STIP1: variants seen among roughly 807,000 people sequenced by gnomAD.
STIP1 encodes stress induced phosphoprotein 1.
In STIP1, 16 loss-of-function variants were observed where a neutral mutation model predicts 77.4. That is an observed-to-expected ratio of 0.21 (90% CI 0.14 to 0.31). STIP1 has a LOEUF of 0.31. Among genes scored for constraint, STIP1 ranks in the 10% least tolerant of loss-of-function variants. The pLI is 1.00. For missense variants in STIP1, 524 were observed against 684.8 expected, an observed-to-expected ratio of 0.77 and a Z score of 2.62; for synonymous variants, 258 against 246.6, an observed-to-expected ratio of 1.05 and a Z score of -0.44.
intron 10 of STIP1, 195 bp from the exon 11 acceptor site, chr11:64,202,681 A>AC: frequency 1.6e-6 from 1 of 617,218 alleles, no homozygotes; most frequent in East Asian, 2.7e-5. Flanking sequence ...GTTTTTCATA[A>AC]CATCAGCCTC....
In STIP1 at chr11:64,194,628, G is replaced by C. The variant is rs1946128192; in HGVS notation, c.503+8G>C. On this transcript the variant is annotated splice_region_variant and intron_variant, in intron 4 of 13. Transcript: ENST00000305218. ...GCCTTCTGACCTGGGCACGTAAGTG[G>C]ACGCCGCTCACTGAGGTTCTGGAAA... The C allele has an allele frequency of 6.2e-7, 1 of 1,611,260 alleles. No homozygotes were observed. The highest frequency in any genetic ancestry group is 1.1e-5 in the South Asian group (1 of 90,764).
In STIP1 at chr11:64,203,637, A is replaced by T. The variant is rs1299365112; in HGVS notation, c.1559+15A>T. The stretch of plus-strand genomic sequence containing the variant: ...GCACTCAGCGAGTACGTAGAGTCAG[A>T]GAGGCGGCCTTGCTGGAAATGGAGA... On this transcript the variant is annotated intron_variant, in intron 13 of 13. Coordinates refer to ENST00000305218, the MANE Select transcript of STIP1 (RefSeq NM_006819.3). 4 of 1,613,996 alleles carry T rather than the reference A, an allele frequency of 2.5e-6. No homozygotes were observed. The highest frequency in any genetic ancestry group is 3.4e-6 in the Non-Finnish European group (4 of 1,180,022).
chr11:64,202,986 T>C (rs1474395205), intron 11 of STIP1, 74 bp downstream of exon 11: 3 of 1,608,216 alleles, frequency 1.9e-6, no homozygotes, highest in South Asian at 2.2e-5. Context: ...GCCCTTTGTC[T>C]ACCTGTGTGT....
chr11:64,197,570 C>T lies in STIP1; in HGVS notation c.877C>T (p.Arg293Ter). 6.2e-7 allele frequency: 1 copy of T among 1,614,070 alleles called. No homozygotes were observed. Among genetic ancestry groups the T allele is most frequent in the Non-Finnish European group, 8.5e-7 (1 of 1,179,996 alleles). The change falls in exon 7 of 14, where the codon CGA becomes TGA. Residue 293 changes from arginine to a stop codon, truncating the protein, a stop_gained. Transcript: ENST00000305218. LOFTEE classifies it high-confidence loss of function. ...EKAIEVGREN[R>*]EDYRQIAKAY... ...GGCCATTGAAGTGGGGAGAGAAAACCGAGAAGACTATCGACAGATTGCCAA... is the reference window on the plus strand; with the variant it reads ...GGCCATTGAAGTGGGGAGAGAAAACTGAGAAGACTATCGACAGATTGCCAA...
At chr11:64,201,567 G>A (rs748902188) in intron 10 of STIP1, among the ~76,000 whole-genome samples, 121 of 152,102 alleles carry the variant, frequency 8.0e-4, no homozygotes, top group Non-Finnish European at 1.5e-3. Flanking sequence ...AACCTGGACC[G>A]TATTGTGGGA....
chr11:64,199,799 G>A (rs899979529), intron 8 of STIP1, 141 bp from the exon 9 acceptor site: 21 of 769,300 alleles, frequency 2.7e-5, no homozygotes, highest in East Asian at 2.2e-4. Flanking sequence ...TCCTGACCTC[G>A]TGATCCACCC....
chr11:64,200,738 C>A (rs1255485097), intron 10 of STIP1, among the ~76,000 whole-genome samples: 2 of 151,740 alleles, frequency 1.3e-5, no homozygotes, highest in Non-Finnish European at 2.9e-5. Context: ...CCTCTTTTTT[C>A]TTTGTTTTTG....
intron 7 of STIP1, 61 bp from the exon 8 acceptor site, chr11:64,197,793 T>C: frequency 1.3e-6 from 2 of 1,587,834 alleles, no homozygotes; most frequent in Non-Finnish European, 1.7e-6. Flanking sequence ...GGTGTGTTTT[T>C]CTGCAGGAGC....
chr11:64,199,149 C>T (rs548036423), intron 8 of STIP1, among the ~76,000 whole-genome samples: 1 of 148,052 alleles, frequency 6.8e-6, no homozygotes, highest in South Asian at 2.1e-4. Context: ...TGCAGTGAGC[C>T]GAGATCATGC....
At chr11:64,203,381 C>G (rs2134812832) in intron 12 of STIP1, 69 bp from the exon 13 acceptor site, 6 of 1,603,754 alleles carry the variant, frequency 3.7e-6, no homozygotes, top group Non-Finnish European at 5.1e-6. Flanking sequence ...CCTCTGTTAT[C>G]TTGGACCTGC....
intron 1 of STIP1, among the ~76,000 whole-genome samples, 194 bp from the exon 2 acceptor site, chr11:64,192,884 C>T (rs751672142): frequency 1.1e-4 from 17 of 152,132 alleles, no homozygotes; most frequent in Non-Finnish European, 2.2e-4. Flanking sequence ...GGCTCTTTGC[C>T]CCTGCTTATT....
chr11:64,198,100 C>A, intron 8 of STIP1, 126 bp downstream of exon 8: 1 of 1,346,304 alleles, frequency 7.4e-7, no homozygotes, highest in Non-Finnish European at 1.0e-6. Flanking sequence ...ACTCTTTCAC[C>A]CAGGCTGAAA....
chr11:64,195,987 C>T (rs886764940), intron 5 of STIP1, 174 bp downstream of exon 5: 1 of 823,914 alleles, frequency 1.2e-6, no homozygotes, highest in Non-Finnish European at 1.9e-6. Flanking sequence ...AGCGATGCTC[C>T]TGCTTCAGCT....
rs927713920 is a variant in STIP1, at chr11:64,200,352, C to G, written c.1245+59C>G. The stretch of plus-strand genomic sequence containing the variant: ...AGCCTGCACATGAGGAGTGGGTTTT[C>G]TCTCTCTCTCCTCATCAACATTGAG... On this transcript the variant is annotated intron_variant, in intron 10 of 13. Coordinates refer to ENST00000305218, the MANE Select transcript of STIP1 (RefSeq NM_006819.3). 1.4e-5 allele frequency: 21 copies of G among 1,545,824 alleles called. No homozygotes were observed. The African/African-American group carries it at 2.9e-4, about 21-fold the overall frequency.
intron 5 of STIP1, 32 bp downstream of exon 5, chr11:64,195,845 A>C: frequency 6.2e-7 from 1 of 1,613,206 alleles, no homozygotes. Context: ...ACTGTCACCT[A>C]TCTATAAACA....
intron 2 of STIP1, 167 bp downstream of exon 2, chr11:64,193,454 T>C: frequency 3.1e-6 from 2 of 651,530 alleles, no homozygotes; most frequent in South Asian, 3.8e-5. Context: ...AGGTAGCCAT[T>C]AGTTGTAATA....
At position 64,186,306 on chromosome 11, in the gene STIP1, G is replaced by T. The variant is rs770949697; in HGVS notation, c.9+36G>T. The T allele has an allele frequency of 2.0e-6, 3 of 1,491,304 alleles. No homozygotes were observed. The South Asian group carries it at 3.8e-5, about 19-fold the overall frequency. The allele number at this position is 1,491,304 out of a possible 1,614,324, so 92.4% of individuals were successfully genotyped here. ...AGGGGCGGGCTGAGGCCCCGAGCCT[G>T]CTCGGGGACCGGCGGTGGCCAGGCC... On this transcript the variant is annotated intron_variant, in intron 1 of 13. Transcript: ENST00000305218.
At chr11:64,199,814 C>G in intron 8 of STIP1, 126 bp from the exon 9 acceptor site, 2 of 988,372 alleles carry the variant, frequency 2.0e-6, no homozygotes, top group Non-Finnish European at 3.0e-6. Context: ...CCACCCGCCT[C>G]GGCCTCCCAA....
chr11:64,192,058 A>G (rs1285772512), intron 1 of STIP1, among the ~76,000 whole-genome samples: 2 of 152,252 alleles, frequency 1.3e-5, no homozygotes, highest in Non-Finnish European at 1.5e-5. Context: ...CACACCTGTA[A>G]TCCCAGCACT....
Sources: gnomAD v4.1 joint callset for allele counts (sites outside exome capture counted in the v4.1 genomes callset) on GRCh38, gnomAD v4.1.1 for gene constraint, MANE v1.5 for transcripts, NCBI Gene and HGNC (gene_info 2026-07-23, HGNC 2026-07-21) for gene names.